The following CTIF variants were observed in gnomAD, a reference collection of about 807,000 sequenced individuals.
CTIF encodes CBP80/20-dependent translation initiation factor.
In CTIF, 21 loss-of-function variants were observed where a neutral mutation model predicts 66.0. The ratio of observed to expected loss-of-function variants is 0.32; its 90% CI spans 0.23 to 0.46. CTIF has a LOEUF of 0.46. Among genes scored for constraint, CTIF ranks in the 20% least tolerant of loss-of-function variants. The pLI is 1.00. For missense variants in CTIF, 739 were observed against 812.7 expected, an observed-to-expected ratio of 0.91 and a Z score of 1.10; for synonymous variants, 345 against 326.4, an observed-to-expected ratio of 1.06 and a Z score of -0.62.
At chr18:48,657,445 C>T (rs892650675) in intron 3 of CTIF, among the ~76,000 whole-genome samples, 9 of 152,144 alleles carry the variant, frequency 5.9e-5, no homozygotes, top group African/African-American at 1.9e-4. Context: ...CTGAAAGCAT[C>T]GTCTGTGAAC....
At chr18:48,576,203 G>GCCTCCAAA (rs1372214806) in intron 1 of CTIF, among the ~76,000 whole-genome samples, 1 of 152,286 alleles carries the variant, frequency 6.6e-6, no homozygotes, top group African/African-American at 2.4e-5. Flanking sequence ...GCCCGGGGCA[G>GCCTCCAAA]GGTTGACCTT....
In CTIF at chr18:48,733,021, G is replaced by C. The variant is rs188869126; in HGVS notation, c.584+21326G>C. Among the ~76,000 whole-genome samples the C allele has an allele frequency of 5.2e-3, 797 of 152,346 alleles. 2 individuals are homozygous for C. The highest frequency in any genetic ancestry group is 0.044 in the Middle Eastern group (13 of 294). On this transcript the variant is annotated intron_variant, in intron 7 of 11. Coordinates refer to ENST00000256413, the MANE Select transcript of CTIF (RefSeq NM_014772.3). Reference sequence around the variant, plus strand: ...TCACCATCATCAGAAAAAGAAGGAGGAGGAGGAGCGTTATTTTGAGAGGCA... The same window carrying C: ...TCACCATCATCAGAAAAAGAAGGAGCAGGAGGAGCGTTATTTTGAGAGGCA...
At chr18:48,807,783 T>C (rs2068180926) in intron 9 of CTIF, among the ~76,000 whole-genome samples, 1 of 152,124 alleles carries the variant, frequency 6.6e-6, no homozygotes, top group South Asian at 2.1e-4. Flanking sequence ...GGTTTCACCA[T>C]GTTGGCCAGG....
At chr18:48,779,899 G>A (rs1911050277) in intron 9 of CTIF, among the ~76,000 whole-genome samples, 1 of 152,198 alleles carries the variant, frequency 6.6e-6, no homozygotes, top group Admixed American at 6.5e-5. Flanking sequence ...GGTGCTGGAG[G>A]CTGCAGCTCT....
Position 48,729,823 on chromosome 18 carries a change from G to A in CTIF, c.584+18128G>A, listed in dbSNP as rs574007299. ...CTGTGGAGAGAAGTCCCTCAGAAAC[G>A]GAAATATTTTGGCAGGCATGAGGAA... On this transcript the variant is annotated intron_variant, in intron 7 of 11. Coordinates refer to ENST00000256413, the MANE Select transcript of CTIF (RefSeq NM_014772.3). Among the ~76,000 whole-genome samples the A allele has an allele frequency of 8.5e-5, 13 of 152,328 alleles. No individual in the cohort carries two copies. In the South Asian group the frequency reaches 1.2e-3, roughly 15 times the overall value.
intron 3 of CTIF, among the ~76,000 whole-genome samples, chr18:48,653,113 T>A (rs892625439): frequency 2.0e-5 from 3 of 152,220 alleles, no homozygotes; most frequent in African/African-American, 7.2e-5. Flanking sequence ...AACGTAGTAT[T>A]GGAAGTTCTG....
intron 6 of CTIF, among the ~76,000 whole-genome samples, chr18:48,679,572 C>T (rs1471328254): frequency 2.0e-5 from 3 of 152,324 alleles, no homozygotes; most frequent in Admixed American, 1.3e-4. Context: ...TGCCCTTGAC[C>T]TTAGACAGAA....
intron 1 of CTIF, among the ~76,000 whole-genome samples, chr18:48,594,407 T>C (rs1184740899): frequency 7.4e-6 from 1 of 134,684 alleles, no homozygotes; most frequent in Non-Finnish European, 1.6e-5. Flanking sequence ...TGTTGAAGCA[T>C]GGATCTGTGC....
intron 3 of CTIF, chr18:48,661,787 G>A (rs1488166212): frequency 1.3e-5 from 2 of 152,240 alleles, no homozygotes; most frequent in Non-Finnish European, 2.9e-5. Flanking sequence ...ACAGGGCATG[G>A]TATTTCATTC....
rs531641549 is a variant in CTIF at position 48,753,941 on chromosome 18, C to T, written c.585-3978C>T. The stretch of plus-strand genomic sequence containing the variant: ...GCTGGCCCCTGAATGAAGGTATCGA[C>T]GAAACCCAGCGCCAGCAAATACAGA... On this transcript the variant is annotated intron_variant, in intron 7 of 11. Transcript: ENST00000256413. Among the ~76,000 whole-genome samples, 33 of 152,278 alleles carry T rather than the reference C, an allele frequency of 2.2e-4. No individual in the cohort carries two copies. The East Asian group carries it at 6.0e-3, about 28-fold the overall frequency.
chr18:48,740,488 G>A (rs911147986), intron 7 of CTIF, among the ~76,000 whole-genome samples: 16 of 152,240 alleles, frequency 1.1e-4, no homozygotes, highest in African/African-American at 3.9e-4. Flanking sequence ...CTGCTGGACT[G>A]TCCTTTCTCC....
At chr18:48,617,790 T>C (rs2090424536) in intron 1 of CTIF, among the ~76,000 whole-genome samples, 1 of 152,216 alleles carries the variant, frequency 6.6e-6, no homozygotes, top group African/African-American at 2.4e-5. Flanking sequence ...GGCACCGCCT[T>C]GGCCTGAAAC....
chr18:48,757,570 T>G lies in CTIF; in HGVS notation c.585-349T>G, dbSNP rs147985457. ...AACGGCTGCTTCCAAAGGCCATATG[T>G]GATGACAGAGTCAGAGGCAGGAGGG... is the stretch of plus-strand genomic sequence containing the variant. On this transcript the variant is annotated intron_variant, in intron 7 of 11. Transcript: ENST00000256413. 1.6e-4 allele frequency among the ~76,000 whole-genome samples: 25 copies of G among 152,372 alleles called. No individual in the cohort carries two copies. In the East Asian group the frequency reaches 4.8e-3, roughly 29 times the overall value.
intron 1 of CTIF, chr18:48,566,759 G>A (rs941049399): frequency 1.3e-5 from 2 of 150,800 alleles, no homozygotes; most frequent in African/African-American, 4.8e-5. Flanking sequence ...GGGAAGGAAG[G>A]GATGCTTTGG....
At chr18:48,829,946 C>A (rs930359927) in intron 10 of CTIF, among the ~76,000 whole-genome samples, 2 of 152,208 alleles carry the variant, frequency 1.3e-5, no homozygotes, top group African/African-American at 4.8e-5. Flanking sequence ...CAGGCTCCAG[C>A]TCCTTCTTGA....
intron 9 of CTIF, among the ~76,000 whole-genome samples, chr18:48,781,918 G>A (rs1016439593): frequency 1.6e-4 from 24 of 152,172 alleles, no homozygotes; most frequent in Middle Eastern, 3.2e-3. Flanking sequence ...AAATAAGGAC[G>A]TGAAAATAGT....
intron 7 of CTIF, among the ~76,000 whole-genome samples, chr18:48,726,879 C>T (rs1237815621): frequency 6.6e-6 from 1 of 152,034 alleles, no homozygotes; most frequent in Non-Finnish European, 1.5e-5. Context: ...CCCAGTGACT[C>T]ACATGCAAAA....
At chr18:48,628,739 C>G (rs1030569965) in intron 2 of CTIF, among the ~76,000 whole-genome samples, 1 of 152,182 alleles carries the variant, frequency 6.6e-6, no homozygotes, top group African/African-American at 2.4e-5. Context: ...AACTCAAGCT[C>G]CTAATCACGC....
At chr18:48,725,060 T>A (rs2092374313) in intron 7 of CTIF, among the ~76,000 whole-genome samples, 1 of 152,118 alleles carries the variant, frequency 6.6e-6, no homozygotes, top group Non-Finnish European at 1.5e-5. Context: ...AAAGAGAAAA[T>A]GTGTTCTGGG....
Sources: gnomAD v4.1 joint callset for allele counts (sites outside exome capture counted in the v4.1 genomes callset) on GRCh38, gnomAD v4.1.1 for gene constraint, MANE v1.5 for transcripts, NCBI Gene and HGNC (gene_info 2026-07-23, HGNC 2026-07-21) for gene names.